TOX3: variants seen among roughly 807,000 people sequenced by gnomAD.
TOX3 encodes the protein CAG trinucleotide repeat-containing gene F9 protein.
Under a neutral mutation model 64.3 loss-of-function variants are expected in TOX3, and 22 were observed. That is an observed-to-expected ratio of 0.34 (90% CI 0.24 to 0.49). TOX3 has a LOEUF of 0.49. Ranked by LOEUF, TOX3 falls within the 20% of genes least tolerant of loss-of-function variation. The pLI is 0.99. For missense variants in TOX3, 661 were observed against 714.4 expected, an observed-to-expected ratio of 0.93 and a Z score of 0.85; for synonymous variants, 291 against 273.6, an observed-to-expected ratio of 1.06 and a Z score of -0.63.
intron 1 of TOX3, among the ~76,000 whole-genome samples, chr16:52,537,274 T>C (rs1478822590): frequency 6.6e-6 from 1 of 151,988 alleles, no homozygotes; most frequent in Non-Finnish European, 1.5e-5. Flanking sequence ...TTCTAGTGTC[T>C]CCACAGTTTG....
intron 1 of TOX3, among the ~76,000 whole-genome samples, chr16:52,477,779 CA>C (rs757493566): frequency 1.6e-4 from 25 of 152,172 alleles, no homozygotes; most frequent in Admixed American, 1.2e-3. Context: ...TTTGCCACAT[CA>C]CAGGGGTTTT....
intron 1 of TOX3, among the ~76,000 whole-genome samples, chr16:52,513,800 T>C (rs1008359656): frequency 1.2e-4 from 18 of 152,228 alleles, no homozygotes; most frequent in African/African-American, 4.3e-4. Flanking sequence ...TGATTGTGAA[T>C]TTAAAACTGT....
chr16:52,501,398 G>A (rs922739770), intron 1 of TOX3, among the ~76,000 whole-genome samples: 4 of 152,192 alleles, frequency 2.6e-5, no homozygotes, highest in African/African-American at 4.8e-5. Context: ...ATGGCTGAGC[G>A]TGGTGGCTCA....
chr16:52,490,606 G>T, intron 1 of TOX3, among the ~76,000 whole-genome samples: 2 of 142,564 alleles, frequency 1.4e-5, no homozygotes, highest in Admixed American at 7.1e-5. Context: ...TCTTCACTGA[G>T]ACCTTCCTTC....
chr16:52,499,313 A>T (rs1161464859), intron 1 of TOX3, among the ~76,000 whole-genome samples: 2 of 152,242 alleles, frequency 1.3e-5, no homozygotes, highest in African/African-American at 4.8e-5. Context: ...TGCAAAACCC[A>T]GTCCTTGCAA....
intron 1 of TOX3, among the ~76,000 whole-genome samples, chr16:52,533,896 C>T (rs1373195826): frequency 6.6e-6 from 1 of 152,140 alleles, no homozygotes; most frequent in Non-Finnish European, 1.5e-5. Flanking sequence ...GCAGGAAGGA[C>T]TGTTGGAAGG....
At chr16:52,495,731 T>A (rs1961833080) in intron 1 of TOX3, among the ~76,000 whole-genome samples, 1 of 152,142 alleles carries the variant, frequency 6.6e-6, no homozygotes, top group Admixed American at 6.5e-5. Context: ...ATATACAACC[T>A]CCAAATTCTT....
intron 1 of TOX3, among the ~76,000 whole-genome samples, chr16:52,500,813 G>A (rs1189297522): frequency 6.6e-6 from 1 of 152,116 alleles, no homozygotes; most frequent in East Asian, 1.9e-4. Context: ...CTACAGACAT[G>A]TTAAAATGTG....
At chr16:52,510,793 G>GAAA (rs1428631012) in intron 1 of TOX3, among the ~76,000 whole-genome samples, 23 of 144,628 alleles carry the variant, frequency 1.6e-4, no homozygotes, top group African/African-American at 5.6e-4. Context: ...AGAAGAAGAA[G>GAAA]AAGAAAAAGA....
At chr16:52,523,434 T>C (rs1962657479) in intron 1 of TOX3, among the ~76,000 whole-genome samples, 1 of 152,158 alleles carries the variant, frequency 6.6e-6, no homozygotes, top group African/African-American at 2.4e-5. Flanking sequence ...CACAGGGACC[T>C]AGCTTACTTA....
At position 52,505,415 on chromosome 16, in the gene TOX3, A is replaced by G. The variant is rs751858690; in HGVS notation, c.88-36841T>C. Among the ~76,000 whole-genome samples the G allele has an allele frequency of 2.0e-4, 30 of 152,214 alleles. 1 individual carries two copies. Among genetic ancestry groups the G allele is most frequent in the Admixed American group, 1.1e-3 (17 of 15,282 alleles). On this transcript the variant is annotated intron_variant, in intron 1 of 6. Transcript: ENST00000219746. ...TACTTGTTTGCTTGTTTCTTTAGCT[A>G]TAATAAACTCTGAATGCCAGAGTCA...
In TOX3 at chr16:52,450,539, C is replaced by T. The variant is rs1004983981; in HGVS notation, c.416G>A (p.Ser139Asn). ...LHSSGLHMDQ[S>N]HTQVSQYRQD... ...CCGGTACTGGGACACTTGTGTGTGG[C>T]TCTGATCCTAGAAAGGCAGCAACAA... Residue 139 changes from serine (S) to asparagine (N), a missense_variant, in exon 4 of 7, where the codon AGC becomes AAC. Physicochemically the swap from Ser to Asn is conservative, Grantham distance 46. Coordinates refer to ENST00000219746, the MANE Select transcript of TOX3 (RefSeq NM_001080430.4). The T allele has an allele frequency of 5.6e-6, 9 of 1,613,728 alleles. No homozygotes were observed. The highest frequency in any genetic ancestry group is 7.6e-6 in the Non-Finnish European group (9 of 1,179,740).
intron 1 of TOX3, among the ~76,000 whole-genome samples, chr16:52,523,906 C>A (rs1360507539): frequency 1.3e-5 from 2 of 152,172 alleles, no homozygotes; most frequent in Non-Finnish European, 2.9e-5. Flanking sequence ...TCATTAGATT[C>A]ATTTAAAGCA....
At chr16:52,476,554 A>G (rs985787406) in intron 1 of TOX3, among the ~76,000 whole-genome samples, 3 of 151,924 alleles carry the variant, frequency 2.0e-5, no homozygotes, top group Non-Finnish European at 4.4e-5. Flanking sequence ...CCAAGCAACC[A>G]ATCATCACCA....
chr16:52,449,518 T>C (rs1321102086), intron 4 of TOX3, among the ~76,000 whole-genome samples: 3 of 152,182 alleles, frequency 2.0e-5, no homozygotes, highest in Admixed American at 6.5e-5. Context: ...ATACATCAAT[T>C]ATATCACTAA....
In TOX3 at chr16:52,463,938, T is replaced by C. The variant is rs370436866; in HGVS notation, c.404A>G (p.His135Arg). The change falls in exon 3 of 7, where the codon CAT becomes CGT. Residue 135 changes from histidine (H) to arginine (R), a missense_variant. Physicochemically the swap from His to Arg is conservative, Grantham distance 29 (BLOSUM62 0). Transcript: ENST00000219746. ...AGTAATAAATGTGGTGCCTACCATA[T>C]GCAACCCACTGCTATGAAGCACGCC... ...QDGVLHSSGL[H>R]MDQSHTQVSQ... is the part of the protein sequence containing the mutation. 19 of 1,525,512 alleles carry C rather than the reference T, an allele frequency of 1.2e-5. No homozygotes were observed. The Middle Eastern group carries it at 5.3e-4, about 42-fold the overall frequency. The allele number at this position is 1,525,512 out of a possible 1,614,324, so 94.5% of individuals were successfully genotyped here.
chr16:52,516,352 C>T (rs1962454465), intron 1 of TOX3, among the ~76,000 whole-genome samples: 1 of 151,926 alleles, frequency 6.6e-6, no homozygotes, highest in South Asian at 2.1e-4. Context: ...TAAATGAAAA[C>T]TTTTAATTGC....
intron 1 of TOX3, among the ~76,000 whole-genome samples, chr16:52,518,949 G>C (rs1897627451): frequency 6.6e-6 from 1 of 152,148 alleles, no homozygotes; most frequent in Non-Finnish European, 1.5e-5. Flanking sequence ...ATCTACACTT[G>C]AGTGTAAACA....
At chr16:52,475,705 C>T (rs931721232) in intron 1 of TOX3, 1 of 152,136 alleles carries the variant, frequency 6.6e-6, no homozygotes, top group Non-Finnish European at 1.5e-5. Flanking sequence ...TTAGATTTGA[C>T]AGCTAATTTT....
Sources: allele counts gnomAD v4.1 joint callset (sites outside exome capture counted in the v4.1 genomes callset), GRCh38; gene constraint gnomAD v4.1.1; transcripts MANE v1.5; gene names NCBI Gene and HGNC (gene_info 2026-07-23, HGNC 2026-07-21).